CCDC60: variants seen among roughly 807,000 people sequenced by gnomAD.
CCDC60 encodes the protein coiled-coil domain-containing protein 60.
A neutral mutation model predicts 63.5 loss-of-function variants in CCDC60; 54 were observed. The ratio of observed to expected loss-of-function variants is 0.85; its 90% confidence interval spans 0.68 to 1.07. The LOEUF (loss-of-function observed/expected upper bound fraction) is 1.07, where lower values mean the gene tolerates loss of function less well. Ranked by LOEUF, CCDC60 falls within the 50% of genes least tolerant of loss-of-function variation. The pLI, the probability that CCDC60 is intolerant of heterozygous loss-of-function variation, is 0.00. For synonymous variants in CCDC60, 206 were observed against 238.8 expected (o/e 0.86, Z 1.27); for missense variants, 651 against 684.3 (o/e 0.95, Z 0.54).
Position 119,540,644 on chromosome 12 carries a change from C to G in CCDC60, c.1582C>G (p.Gln528Glu). The change falls in exon 14 of 14, where the codon CAA (glutamine) becomes GAA (glutamate). Residue 528 changes from glutamine to glutamate, a missense_variant. Transcript: ENST00000327554. ...FVREHIIHMPQEDYISWLQSR... is the reference protein window; with the variant it reads ...FVREHIIHMPEEDYISWLQSR... ...GCGAGAACACATCATCCATATGCCT[C>G]AAGAGGATTACATCAGCTGGCTGCA... 1 of 1,613,992 alleles carries G rather than the reference C, an allele frequency of 6.2e-7. No individual in the cohort carries two copies. Among genetic ancestry groups the G allele is most frequent in the Non-Finnish European group, 8.5e-7 (1 of 1,179,976 alleles).
Position 119,500,120 on chromosome 12 carries a change from G to T in CCDC60, c.600G>T (p.Lys200Asn). The change falls in exon 6 of 14, where the codon AAG becomes AAT. Residue 200 changes from lysine (K) to asparagine (N), a missense_variant. Physicochemically the swap from Lys to Asn is moderately conservative, Grantham distance 94. Coordinates refer to ENST00000327554, the MANE Select transcript of CCDC60 (RefSeq NM_178499.5). ...GSKSTIKKIN[K>N]DKSMGQKWEH... ...AGAGCACCATTAAAAAAATCAATAA[G>T]GACAAGTCCATGGGACAGAAATGGG... The T allele has an allele frequency of 6.2e-7, 1 of 1,612,516 alleles. No homozygotes were observed. The highest frequency in any genetic ancestry group is 1.7e-5 in the Admixed American group (1 of 59,582).
At chr12:119,412,871 A>G (rs1191817508) in intron 1 of CCDC60, among the ~76,000 whole-genome samples, 1 of 146,558 alleles carries the variant, frequency 6.8e-6, no homozygotes, top group African/African-American at 2.5e-5. Flanking sequence ...ACTTCTTCTG[A>G]TAAGACTGGA....
At chr12:119,405,956 G>A (rs1956480747) in intron 1 of CCDC60, among the ~76,000 whole-genome samples, 1 of 152,150 alleles carries the variant, frequency 6.6e-6, no homozygotes, top group Non-Finnish European at 1.5e-5. Context: ...CGGATCCCCA[G>A]AGATCAGGAG....
At chr12:119,479,253 C>T in intron 4 of CCDC60, 52 bp downstream of exon 4, 1 of 1,324,470 alleles carries the variant, frequency 7.6e-7, no homozygotes, top group Non-Finnish European at 1.1e-6. Flanking sequence ...TAAATTGAAG[C>T]CGAACTGAAA....
intron 2 of CCDC60, among the ~76,000 whole-genome samples, chr12:119,447,419 G>A (rs1261943623): frequency 6.6e-6 from 1 of 152,126 alleles, no homozygotes; most frequent in Non-Finnish European, 1.5e-5. Context: ...GAAGAACACC[G>A]ATCGAACCAT....
At chr12:119,473,596 C>T (rs201487643) in intron 3 of CCDC60, among the ~76,000 whole-genome samples, 2 of 152,120 alleles carry the variant, frequency 1.3e-5, no homozygotes, top group African/African-American at 4.8e-5. Context: ...TCTTTTATCC[C>T]TCACCCTCCT....
intron 1 of CCDC60, among the ~76,000 whole-genome samples, chr12:119,352,335 G>A (rs1400346271): frequency 1.3e-5 from 2 of 152,316 alleles, no homozygotes; most frequent in East Asian, 1.9e-4. Context: ...TATCCTGCCT[G>A]TTAGTCTATC....
chr12:119,482,143 TACAC>T (rs997114191), intron 4 of CCDC60, among the ~76,000 whole-genome samples: 4 of 143,462 alleles, frequency 2.8e-5, no homozygotes, highest in Non-Finnish European at 4.6e-5. Context: ...CACATATATA[TACAC>T]ACACACACAC....
intron 11 of CCDC60, among the ~76,000 whole-genome samples, chr12:119,527,737 C>T (rs139564008): frequency 0.06 from 8,097 of 135,042 alleles, 396 homozygotes; most frequent in East Asian, 0.25. Flanking sequence ...AGTGCAGTGG[C>T]GCAATCTCGG....
intron 1 of CCDC60, among the ~76,000 whole-genome samples, chr12:119,352,368 G>A (rs919009141): frequency 1.3e-5 from 2 of 152,168 alleles, no homozygotes; most frequent in Non-Finnish European, 2.9e-5. Flanking sequence ...CATTTACTAA[G>A]GGTTCACTGT....
chr12:119,399,735 C>T (rs1480545105), intron 1 of CCDC60, among the ~76,000 whole-genome samples: 3 of 152,174 alleles, frequency 2.0e-5, no homozygotes, highest in Non-Finnish European at 4.4e-5. Context: ...CCTCAGCCCT[C>T]CCACATCGCA....
chr12:119,474,624 G>A (rs1951136983), intron 3 of CCDC60, among the ~76,000 whole-genome samples: 1 of 152,118 alleles, frequency 6.6e-6, no homozygotes, highest in Admixed American at 6.6e-5. Flanking sequence ...AGAGGTTATG[G>A]TTGTACAACA....
rs572742230 is a variant in CCDC60 at position 119,510,698 on chromosome 12, C to T, written c.883+5395C>T. ...AGATCATCAGGAATCCTACTTCCCC[C>T]ACTTTCTTCTGTGTCATCCTTAACA... is the stretch of plus-strand genomic sequence containing the variant. On this transcript the variant is annotated intron_variant, in intron 7 of 13. Transcript: ENST00000327554. Among the ~76,000 whole-genome samples the T allele has an allele frequency of 2.5e-4, 38 of 152,290 alleles. 1 individual carries two copies. Among genetic ancestry groups the T allele is most frequent in the African/African-American group, 7.9e-4 (33 of 41,570 alleles).
chr12:119,415,589 G>A (rs1956684920), intron 1 of CCDC60, among the ~76,000 whole-genome samples: 1 of 152,226 alleles, frequency 6.6e-6, no homozygotes, highest in African/African-American at 2.4e-5. Flanking sequence ...AACAAGAATG[G>A]AGGAGAGAGG....
At chr12:119,364,042 T>G (rs1275162071) in intron 1 of CCDC60, among the ~76,000 whole-genome samples, 1 of 152,224 alleles carries the variant, frequency 6.6e-6, no homozygotes, top group Non-Finnish European at 1.5e-5. Flanking sequence ...CTTGTAATCT[T>G]GCTGTTGCAA....
rs1956513513 is a variant in CCDC60 at position 119,407,384 on chromosome 12, T to G, written c.91-21299T>G. ...AAAAGAAAAGAAAAAGAAATTTAAT[T>G]AGCCAGGCATGGTGGCACGTGCCTG... On this transcript the variant is annotated intron_variant, in intron 1 of 13. Coordinates refer to ENST00000327554, the MANE Select transcript of CCDC60 (RefSeq NM_178499.5). 2.0e-5 allele frequency among the ~76,000 whole-genome samples: 3 copies of G among 151,802 alleles called. No individual in the cohort carries two copies. In the South Asian group the frequency reaches 6.3e-4, roughly 32 times the overall value.
At chr12:119,351,237 C>T (rs1955653432) in intron 1 of CCDC60, among the ~76,000 whole-genome samples, 1 of 152,186 alleles carries the variant, frequency 6.6e-6, no homozygotes, top group African/African-American at 2.4e-5. Context: ...GTTTTGTATT[C>T]TCAAAGTGGG....
At chr12:119,415,325 C>T (rs914269368) in intron 1 of CCDC60, among the ~76,000 whole-genome samples, 1 of 152,120 alleles carries the variant, frequency 6.6e-6, no homozygotes, top group African/African-American at 2.4e-5. Context: ...GAAAAAAGGG[C>T]AGCAGGTGCA....
intron 1 of CCDC60, among the ~76,000 whole-genome samples, chr12:119,360,421 G>C (rs1267251123): frequency 6.6e-6 from 1 of 151,696 alleles, no homozygotes; most frequent in Non-Finnish European, 1.5e-5. Context: ...CGGACAGGGT[G>C]GCTGCCGGGC....
Sources: allele counts gnomAD v4.1 joint callset (sites outside exome capture counted in the v4.1 genomes callset), GRCh38; gene constraint gnomAD v4.1.1; transcripts MANE v1.5; gene names NCBI Gene and HGNC (gene_info 2026-07-23, HGNC 2026-07-21).